Variants in MTBP observed in about 807,000 individuals in gnomAD.
The protein encoded by MTBP is mdm2-binding protein.
Under a neutral mutation model 117.0 loss-of-function variants are expected in MTBP, and 101 were observed. The observed-to-expected ratio is 0.86, with a 90% CI of 0.73 to 1.02. The LOEUF is 1.02. MTBP is among the 50% of genes least tolerant of loss of function. The pLI, the probability that MTBP is intolerant of heterozygous loss-of-function variation, is 0.00. For missense variants in MTBP, 970 were observed against 1,030.9 expected (o/e 0.94, Z 0.81); for synonymous variants, 350 against 351.5 (o/e 1.00, Z 0.05).
At chr8:120,498,542 T>C (rs753041166) in intron 14 of MTBP, among the ~76,000 whole-genome samples, 6 of 152,232 alleles carry the variant, frequency 3.9e-5, no homozygotes, top group Non-Finnish European at 8.8e-5. Flanking sequence ...TTTGTGCCTC[T>C]GCTTCTTTAT....
chr8:120,467,646 G>A (rs529652597), intron 10 of MTBP, among the ~76,000 whole-genome samples: 9 of 152,236 alleles, frequency 5.9e-5, no homozygotes, highest in East Asian at 3.9e-4. Context: ...GTTATTTGGC[G>A]TTTATATTCT....
intron 8 of MTBP, among the ~76,000 whole-genome samples, chr8:120,459,962 T>G (rs1473234446): frequency 6.6e-6 from 1 of 152,158 alleles, no homozygotes; most frequent in Non-Finnish European, 1.5e-5. Flanking sequence ...TAGTTGGCTT[T>G]TTAACATTGG....
At chr8:120,517,304 A>T (rs1814936038) in intron 18 of MTBP, among the ~76,000 whole-genome samples, 1 of 152,048 alleles carries the variant, frequency 6.6e-6, no homozygotes, top group Non-Finnish European at 1.5e-5. Flanking sequence ...TTCTGTTCAA[A>T]TTATCTTAAC....
In MTBP at chr8:120,481,097, AG is replaced by A. The variant is rs1174803515; in HGVS notation, c.1166-7061del. On this transcript the variant is annotated intron_variant, in intron 11 of 21. Coordinates refer to ENST00000305949, the MANE Select transcript of MTBP (RefSeq NM_022045.5). ...CCACGAAAAGATGCCCAACATCATT[AG>A]TCTCTTGGGAGATGCAAATTACAAC... Among the ~76,000 whole-genome samples, 9 of 152,348 alleles carry A rather than the reference AG, an allele frequency of 5.9e-5. No homozygotes were observed. The East Asian group carries it at 1.7e-3, about 29-fold the overall frequency.
chr8:120,520,953 G>A (rs1814999813), intron 20 of MTBP, among the ~76,000 whole-genome samples: 2 of 152,076 alleles, frequency 1.3e-5, no homozygotes, highest in African/African-American at 4.8e-5. Flanking sequence ...GAATCTGCTA[G>A]AAGATGAAGT....
At chr8:120,486,197 A>T (rs1814209832) in intron 11 of MTBP, among the ~76,000 whole-genome samples, 1 of 152,046 alleles carries the variant, frequency 6.6e-6, no homozygotes, top group Non-Finnish European at 1.5e-5. Flanking sequence ...AATTAAGTGA[A>T]CTACCAGCCT....
At position 120,488,233 on chromosome 8, in the gene MTBP, A is replaced by G. The variant is rs746104965; in HGVS notation, c.1240A>G (p.Lys414Glu). ...LLQGNGNRRCKATLIHSANQI... is the reference protein window; with the variant it reads ...LLQGNGNRRCEATLIHSANQI... The stretch of plus-strand genomic sequence containing the variant: ...ACAAGGTAATGGCAATAGAAGATGT[A>G]AAGCCACATTGATTCACTCAGCCAA... The change falls in exon 12 of 22, where the codon AAA (lysine) becomes GAA (glutamate). Residue 414 changes from lysine to glutamate, a missense_variant. Transcript: ENST00000305949. The G allele has an allele frequency of 6.3e-7, 1 of 1,597,366 alleles. No individual in the cohort carries two copies. Among genetic ancestry groups the G allele is most frequent in the Non-Finnish European group, 8.5e-7 (1 of 1,174,148 alleles).
chr8:120,496,707 CAAA>C (rs34444618), intron 13 of MTBP, among the ~76,000 whole-genome samples: 1 of 130,710 alleles, frequency 7.7e-6, no homozygotes, highest in Admixed American at 7.4e-5. Flanking sequence ...ATGTTCCATA[CAAA>C]AAAAAAAAAA....
At chr8:120,475,973 G>A (rs777939718) in intron 11 of MTBP, among the ~76,000 whole-genome samples, 24 of 151,838 alleles carry the variant, frequency 1.6e-4, no homozygotes, top group Non-Finnish European at 2.5e-4. Context: ...TTTAATTCTC[G>A]AAACAATACT....
At chr8:120,485,563 T>C (rs1814195329) in intron 11 of MTBP, among the ~76,000 whole-genome samples, 1 of 152,200 alleles carries the variant, frequency 6.6e-6, no homozygotes, top group South Asian at 2.1e-4. Context: ...TTTCCTTTAG[T>C]TCTTTAAACG....
At chr8:120,482,234 G>A (rs1242696826) in intron 11 of MTBP, among the ~76,000 whole-genome samples, 1 of 152,132 alleles carries the variant, frequency 6.6e-6, no homozygotes, top group Non-Finnish European at 1.5e-5. Flanking sequence ...CACTGTCACT[G>A]AAGAATCCTT....
At chr8:120,521,654 G>C (rs1815008525) in intron 20 of MTBP, among the ~76,000 whole-genome samples, 1 of 152,096 alleles carries the variant, frequency 6.6e-6, no homozygotes, top group African/African-American at 2.4e-5. Context: ...ACAGATAACT[G>C]CTTCTTATCT....
intron 11 of MTBP, among the ~76,000 whole-genome samples, chr8:120,483,490 G>A (rs929416457): frequency 1.3e-5 from 2 of 151,990 alleles, no homozygotes; most frequent in African/African-American, 4.8e-5. Context: ...CTTCCATCAT[G>A]TGGAATATTA....
intron 10 of MTBP, among the ~76,000 whole-genome samples, chr8:120,468,525 G>A (rs1011353845): frequency 1.3e-5 from 2 of 152,320 alleles, no homozygotes; most frequent in East Asian, 3.9e-4. Flanking sequence ...AAGTTGTTGA[G>A]ATGCTTGAGG....
intron 12 of MTBP, 122 bp from the exon 13 acceptor site, chr8:120,490,341 G>C (rs945448879): frequency 1.6e-6 from 1 of 631,164 alleles, no homozygotes; most frequent in African/African-American, 1.9e-5. Flanking sequence ...GGTCGAGAGA[G>C]GTGAGTGATT....
chr8:120,463,818 G>A (rs1224461914), intron 10 of MTBP, 57 bp downstream of exon 10: 1 of 1,484,018 alleles, frequency 6.7e-7, no homozygotes, highest in African/African-American at 1.4e-5. Context: ...TGCCATTTAA[G>A]GATGTGTAAG....
chr8:120,477,483 A>G (rs1054204016), intron 11 of MTBP, among the ~76,000 whole-genome samples: 4 of 152,240 alleles, frequency 2.6e-5, no homozygotes, highest in Non-Finnish European at 5.9e-5. Context: ...GAATGGGAGA[A>G]AATTTTTGCA....
chr8:120,485,253 A>G (rs1814188942), intron 11 of MTBP, among the ~76,000 whole-genome samples: 1 of 152,134 alleles, frequency 6.6e-6, no homozygotes, highest in South Asian at 2.1e-4. Context: ...TACTTCAGCT[A>G]TATTTGATAA....
At chr8:120,514,862 G>A (rs1471172847) in intron 17 of MTBP, among the ~76,000 whole-genome samples, 3 of 152,024 alleles carry the variant, frequency 2.0e-5, no homozygotes, top group African/African-American at 7.2e-5. Flanking sequence ...TTTTGCAGAT[G>A]AAGCAACAGA....
Sources: allele counts gnomAD v4.1 joint callset (sites outside exome capture counted in the v4.1 genomes callset), GRCh38; gene constraint gnomAD v4.1.1; transcripts MANE v1.5; gene names NCBI Gene and HGNC (gene_info 2026-07-23, HGNC 2026-07-21).